ZNF248: variants seen among roughly 807,000 people sequenced by gnomAD.
The protein encoded by ZNF248 is KRAB protein domain.
In ZNF248, 20 loss-of-function variants were observed where a neutral mutation model predicts 44.3. The ratio of observed to expected loss-of-function variants is 0.45; its 90% CI spans 0.32 to 0.66. The LOEUF is 0.66. Ranked by LOEUF, ZNF248 falls within the 30% of genes least tolerant of loss-of-function variation. The pLI is 0.04. For missense variants in ZNF248, 654 were observed against 677.0 expected (o/e 0.97, Z 0.38); for synonymous variants, 224 against 229.0 (o/e 0.98, Z 0.20).
chr10:37,759,597 G>T, the ZNF248 span, among the ~76,000 whole-genome samples: 1 of 152,206 alleles, frequency 6.6e-6, no homozygotes, highest in African/African-American at 2.4e-5. Flanking sequence ...GATAACTATG[G>T]TCAGATAGAT....
intron 3 of ZNF248, among the ~76,000 whole-genome samples, chr10:37,838,705 T>TA (rs927853356): frequency 1.2e-4 from 17 of 147,226 alleles, no homozygotes; most frequent in South Asian, 6.5e-4. Flanking sequence ...TGGTATCTAG[T>TA]AAAAAAATTC....
chr10:37,820,613 G>T, intron 6 of ZNF248: 1 of 1,575,796 alleles, frequency 6.3e-7, no homozygotes, highest in African/African-American at 1.3e-5. Flanking sequence ...TCCCCCAGCA[G>T]TGCCTTTCCC....
At chr10:37,815,257 G>A (rs1263685953) in intron 6 of ZNF248, among the ~76,000 whole-genome samples, 4 of 151,732 alleles carry the variant, frequency 2.6e-5, no homozygotes, top group Non-Finnish European at 5.9e-5. Context: ...AGTAGAGACA[G>A]TTTCACCATG....
At chr10:37,848,941 G>C (rs1233083572) in intron 3 of ZNF248, among the ~76,000 whole-genome samples, 1 of 152,192 alleles carries the variant, frequency 6.6e-6, no homozygotes. Flanking sequence ...AGATTTACTA[G>C]ATATTTGAGG....
chr10:37,808,557 T>G (rs1200668620), intron 6 of ZNF248, among the ~76,000 whole-genome samples: 2 of 152,124 alleles, frequency 1.3e-5, no homozygotes, highest in South Asian at 4.1e-4. Flanking sequence ...AATGCTGAGA[T>G]TACAGGCAGT....
the ZNF248 span, among the ~76,000 whole-genome samples, chr10:37,762,253 T>C: frequency 1.4e-4 from 21 of 152,346 alleles, no homozygotes; most frequent in African/African-American, 5.1e-4. Flanking sequence ...ATGTTCCTCA[T>C]AATAGTGCTA....
intron 6 of ZNF248, among the ~76,000 whole-genome samples, chr10:37,814,121 T>C (rs1217667957): frequency 2.0e-5 from 3 of 152,172 alleles, no homozygotes; most frequent in Non-Finnish European, 4.4e-5. Context: ...CTTTTCTTTT[T>C]AGTAGATTTT....
At chr10:37,779,338 T>C (rs1331442168) in intron 6 of ZNF248, among the ~76,000 whole-genome samples, 1 of 152,206 alleles carries the variant, frequency 6.6e-6, no homozygotes, top group Non-Finnish European at 1.5e-5. Context: ...GCATCATCCC[T>C]GGGATGCAAG....
downstream of ZNF248, among the ~76,000 whole-genome samples, chr10:37,826,743 A>G (rs1309016568): frequency 6.6e-6 from 1 of 152,204 alleles, no homozygotes; most frequent in Non-Finnish European, 1.5e-5. Flanking sequence ...TTAAAAATAC[A>G]ACTTAAAACT....
rs57501241 is a variant in ZNF248, at chr10:37,851,768, C to CAAAAAAAAAAAAAAA, written c.15+4513_15+4527dup. On this transcript the variant is annotated intron_variant, in intron 3 of 5. Transcript: ENST00000395867. ...ATCACTATATACCCATCAGAATGAC[C>CAAAAAAAAAAAAAAA]AAAAAAAAAAAAAAAAAAAAAAAAA... Among the ~76,000 whole-genome samples, 5 of 32,058 alleles carry CAAAAAAAAAAAAAAA rather than the reference C, an allele frequency of 1.6e-4. 1 individual carries two copies. The highest frequency in any genetic ancestry group is 2.6e-4 in the African/African-American group (2 of 7,842). 21.0% of individuals were successfully genotyped at this position (32,058 alleles called of 152,430 possible). A position where few individuals can be genotyped will look rare whatever the true frequency, so the allele number is the denominator to read the frequency against.
chr10:37,846,411 A>G (rs2059320632), intron 3 of ZNF248, among the ~76,000 whole-genome samples: 1 of 152,166 alleles, frequency 6.6e-6, no homozygotes, highest in Admixed American at 6.5e-5. Flanking sequence ...AAATGGGAGT[A>G]TTGCCTGGGC....
chr10:37,846,489 T>A (rs537949090), intron 3 of ZNF248, among the ~76,000 whole-genome samples: 1,573 of 151,446 alleles, frequency 0.01, 7 homozygotes, highest in Non-Finnish European at 0.013. Flanking sequence ...AAAAAAAAAA[T>A]TTTTTAATTG....
At chr10:37,821,696 C>A (rs1158788133) in intron 6 of ZNF248, among the ~76,000 whole-genome samples, 1 of 152,226 alleles carries the variant, frequency 6.6e-6, no homozygotes. Flanking sequence ...CCCTCTTCAA[C>A]CCTGACCCTG....
the ZNF248 span, among the ~76,000 whole-genome samples, chr10:37,765,838 C>A: frequency 6.6e-6 from 1 of 152,238 alleles, no homozygotes; most frequent in African/African-American, 2.4e-5. Context: ...TGCAAGGGAT[C>A]AGGGAGTTCC....
At chr10:37,778,004 A>G (rs547102693) in intron 6 of ZNF248, among the ~76,000 whole-genome samples, 2 of 151,958 alleles carry the variant, frequency 1.3e-5, no homozygotes, top group Non-Finnish European at 2.9e-5. Flanking sequence ...ATACGTGTGC[A>G]TGTGTCTTTA....
the ZNF248 span, among the ~76,000 whole-genome samples, chr10:37,769,611 C>A: frequency 1.3e-5 from 2 of 152,042 alleles, no homozygotes; most frequent in African/African-American, 4.8e-5. Flanking sequence ...TAAGTATTGA[C>A]GGGACGTATC....
intron 6 of ZNF248, chr10:37,819,223 C>T: frequency 1.2e-6 from 1 of 827,518 alleles, no homozygotes; most frequent in South Asian, 1.3e-5. Flanking sequence ...TGGACCAGGC[C>T]TCTTTCTCTG....
At chr10:37,817,499 A>G (rs539251677) in intron 6 of ZNF248, among the ~76,000 whole-genome samples, 1 of 152,142 alleles carries the variant, frequency 6.6e-6, no homozygotes, top group Non-Finnish European at 1.5e-5. Flanking sequence ...TCTTTGTCCA[A>G]TGACAAAAAC....
upstream of ZNF248, chr10:37,857,802 G>C (rs982732172): frequency 1.3e-5 from 2 of 152,516 alleles, no homozygotes; most frequent in Non-Finnish European, 2.9e-5. Context: ...CAGGCGCAGG[G>C]ACTGGACGCA....
Sources: gnomAD v4.1 joint callset for allele counts (sites outside exome capture counted in the v4.1 genomes callset) on GRCh38, gnomAD v4.1.1 for gene constraint, MANE v1.5 for transcripts, NCBI Gene and HGNC (gene_info 2026-07-23, HGNC 2026-07-21) for gene names.